Variants in RBPMS observed in about 807,000 individuals in gnomAD.
RBPMS encodes the protein RNA-binding protein with multiple splicing.
Under a neutral mutation model 26.8 loss-of-function variants are expected in RBPMS, and 7 were observed. That is an observed-to-expected ratio of 0.26 (90% CI 0.15 to 0.49). The LOEUF is 0.49. Ranked by LOEUF, RBPMS falls within the 20% of genes least tolerant of loss-of-function variation. The pLI is 0.98. For synonymous variants in RBPMS, 96 were observed against 93.3 expected (o/e 1.03, Z -0.17); for missense variants, 186 against 250.0 (o/e 0.74, Z 1.73).
At chr8:30,472,855 C>A (rs1026407715) in intron 1 of RBPMS, among the ~76,000 whole-genome samples, 1 of 152,130 alleles carries the variant, frequency 6.6e-6, no homozygotes, top group Non-Finnish European at 1.5e-5. Context: ...ATGGGAGGAT[C>A]TCTTGAGCTC....
intron 5 of RBPMS, among the ~76,000 whole-genome samples, chr8:30,543,253 C>A (rs567106353): frequency 6.6e-6 from 1 of 152,194 alleles, no homozygotes; most frequent in African/African-American, 2.4e-5. Flanking sequence ...AAGCCTCACA[C>A]AGGTTCTGCT....
At position 30,549,377 on chromosome 8, in the gene RBPMS, C is replaced by T. The variant is rs111362509; in HGVS notation, c.528+4753C>T. On this transcript the variant is annotated intron_variant, in intron 6 of 8. Coordinates refer to ENST00000397323, the MANE Select transcript of RBPMS (RefSeq NM_001008710.3). ...GCTGTGGCTGTGGCTATCCGGAAAA[C>T]GACAGCTTTGAAGGACTGCAGAGCT... 380 of 792,214 alleles carry T rather than the reference C, an allele frequency of 4.8e-4. 3 individuals are homozygous for T. The highest frequency in any genetic ancestry group is 7.1e-4 in the Non-Finnish European group (324 of 456,278). The allele number at this position is 792,214 out of a possible 1,614,324, so 49.1% of individuals were successfully genotyped here.
chr8:30,514,680 CTTTTTTTT>C (rs577244764), intron 5 of RBPMS, among the ~76,000 whole-genome samples: 9 of 82,650 alleles, frequency 1.1e-4, no homozygotes, highest in South Asian at 5.2e-4. Flanking sequence ...CCATGCCGGG[CTTTTTTTT>C]TTTTTTTTTT....
At chr8:30,543,351 T>A (rs1825581458) in intron 5 of RBPMS, among the ~76,000 whole-genome samples, 2 of 152,146 alleles carry the variant, frequency 1.3e-5, no homozygotes, top group Non-Finnish European at 2.9e-5. Context: ...TTGAAGAGTT[T>A]CGGGGGATGG....
intron 2 of RBPMS, among the ~76,000 whole-genome samples, chr8:30,477,559 TAGAA>T (rs753892425): frequency 3.3e-5 from 5 of 151,592 alleles, no homozygotes; most frequent in East Asian, 1.9e-4. Context: ...GAAAAAAAAA[TAGAA>T]GGAAGAGAAA....
intron 6 of RBPMS, chr8:30,556,910 C>T (rs188582591): frequency 9.4e-6 from 3 of 320,800 alleles, no homozygotes; most frequent in Admixed American, 6.5e-5. Context: ...TCTTGCCCTC[C>T]TTCTTTTGTT....
intron 5 of RBPMS, among the ~76,000 whole-genome samples, chr8:30,532,919 A>G (rs191382283): frequency 1.3e-5 from 2 of 152,300 alleles, no homozygotes; most frequent in Admixed American, 1.3e-4. Flanking sequence ...TTACCTGTAG[A>G]TAATCAGCAT....
Position 30,556,339 on chromosome 8 carries a change from G to A in RBPMS, c.529-2548G>A, listed in dbSNP as rs1223983236. 2.0e-5 allele frequency: 20 copies of A among 985,520 alleles called. 1 individual carries two copies. In the South Asian group the frequency reaches 5.2e-4, roughly 25 times the overall value. 61.0% of individuals were successfully genotyped at this position (985,520 alleles called of 1,614,324 possible). On this transcript the variant is annotated intron_variant, in intron 6 of 8. Coordinates refer to ENST00000397323, the MANE Select transcript of RBPMS (RefSeq NM_001008710.3). ...ACCAGGCTGACGAGAGCCTGAAGAC[G>A]GGCTGCACGCTCGTCCCCAACCCTG...
At chr8:30,433,387 T>G (rs1812139412) in intron 1 of RBPMS, among the ~76,000 whole-genome samples, 1 of 152,242 alleles carries the variant, frequency 6.6e-6, no homozygotes, top group African/African-American at 2.4e-5. Flanking sequence ...TTTGTTGGGT[T>G]GTCATATGTA....
intron 1 of RBPMS, among the ~76,000 whole-genome samples, chr8:30,456,801 G>T (rs1433552217): frequency 6.6e-6 from 1 of 152,146 alleles, no homozygotes; most frequent in African/African-American, 2.4e-5. Context: ...TGCGCCTGTA[G>T]TCCCAGCTAC....
chr8:30,446,826 TGTGTGTGTGTGTGTGTGCGC>T (rs1276632300), intron 1 of RBPMS: 7 of 98,828 alleles, frequency 7.1e-5, no homozygotes, highest in Admixed American at 1.2e-4. Flanking sequence ...TGTGTGTGTG[TGTGTGTGTGTGTGTGTGCGC>T]GCGCGCGCGC....
chr8:30,478,647 A>G (rs1817958373), intron 3 of RBPMS, among the ~76,000 whole-genome samples: 1 of 152,044 alleles, frequency 6.6e-6, no homozygotes, highest in Non-Finnish European at 1.5e-5. Context: ...CTACAGGCGC[A>G]TGCCACCACG....
intron 1 of RBPMS, among the ~76,000 whole-genome samples, chr8:30,409,712 A>T (rs1257008318): frequency 1.3e-5 from 2 of 151,910 alleles, no homozygotes; most frequent in Non-Finnish European, 2.9e-5. Flanking sequence ...GGCTCACCAC[A>T]ACCTCTGACT....
intron 5 of RBPMS, among the ~76,000 whole-genome samples, chr8:30,541,632 A>T (rs556616509): frequency 6.6e-6 from 1 of 152,154 alleles, no homozygotes; most frequent in African/African-American, 2.4e-5. Flanking sequence ...TGTCAAGAGG[A>T]ATCTCACCCC....
chr8:30,415,784 T>A (rs116494352), intron 1 of RBPMS, among the ~76,000 whole-genome samples: 1,895 of 152,310 alleles, frequency 0.012, 46 homozygotes, highest in African/African-American at 0.043. Context: ...TGACAGCTTT[T>A]CCTCTGGTCT....
At chr8:30,422,334 G>A (rs1052204443) in intron 1 of RBPMS, among the ~76,000 whole-genome samples, 2 of 151,936 alleles carry the variant, frequency 1.3e-5, no homozygotes, top group Non-Finnish European at 2.9e-5. Flanking sequence ...GGCTGGTCTT[G>A]AACTCCTGAC....
At chr8:30,389,780 C>G (rs1376820969) in intron 1 of RBPMS, among the ~76,000 whole-genome samples, 1 of 151,976 alleles carries the variant, frequency 6.6e-6, no homozygotes, top group Non-Finnish European at 1.5e-5. Flanking sequence ...GAGAAAAATA[C>G]ATGGATTATA....
intron 7 of RBPMS, among the ~76,000 whole-genome samples, chr8:30,562,327 G>GA (rs753001749): frequency 0.37 from 38,195 of 102,930 alleles, 7,103 homozygotes; most frequent in South Asian, 0.55. Flanking sequence ...CAAGACTGTC[G>GA]AAAAAAAAAA....
chr8:30,503,426 T>C (rs568461186), intron 4 of RBPMS, among the ~76,000 whole-genome samples: 4 of 151,952 alleles, frequency 2.6e-5, no homozygotes, highest in African/African-American at 9.7e-5. Context: ...TAATTTTTTT[T>C]TTTTTGTATT....
Sources: allele counts gnomAD v4.1 joint callset (sites outside exome capture counted in the v4.1 genomes callset), GRCh38; gene constraint gnomAD v4.1.1; transcripts MANE v1.5; gene names NCBI Gene and HGNC (gene_info 2026-07-23, HGNC 2026-07-21).